RAB3C: variants seen among roughly 807,000 people sequenced by gnomAD.
The protein encoded by RAB3C is RAB3C, member RAS oncogene family.
A neutral mutation model predicts 26.4 loss-of-function variants in RAB3C; 17 were observed. The ratio of observed to expected loss-of-function variants is 0.64; its 90% CI spans 0.44 to 0.97. RAB3C has a LOEUF of 0.97. Ranked by LOEUF, RAB3C falls within the 50% of genes least tolerant of loss-of-function variation. The pLI is 0.00. For synonymous variants in RAB3C, 91 were observed against 95.9 expected, an observed-to-expected ratio of 0.95 and a Z score of 0.30; for missense variants, 242 against 281.9, an observed-to-expected ratio of 0.86 and a Z score of 1.01.
chr5:58,703,801 A>T (rs547040562), intron 2 of RAB3C, among the ~76,000 whole-genome samples: 1 of 152,276 alleles, frequency 6.6e-6, no homozygotes, highest in East Asian at 1.9e-4. Context: ...GCATCACTAC[A>T]CTAAACTTAT....
intron 3 of RAB3C, among the ~76,000 whole-genome samples, chr5:58,784,361 C>A (rs751848400): frequency 3.4e-4 from 51 of 152,202 alleles, no homozygotes; most frequent in Middle Eastern, 3.4e-3. Context: ...GAATGAGAAG[C>A]AAAGTCAGAA....
intron 3 of RAB3C, among the ~76,000 whole-genome samples, chr5:58,814,211 T>C (rs1257978731): frequency 1.3e-5 from 2 of 152,194 alleles, no homozygotes; most frequent in Non-Finnish European, 2.9e-5. Context: ...TAATACCCTC[T>C]TCCCCTTTTC....
intron 3 of RAB3C, among the ~76,000 whole-genome samples, chr5:58,735,582 A>G (rs1741114976): frequency 6.6e-6 from 1 of 152,172 alleles, no homozygotes; most frequent in African/African-American, 2.4e-5. Context: ...AAGTGTCCAC[A>G]AGATTGATTC....
At chr5:58,802,110 G>GT (rs5868136) in intron 3 of RAB3C, among the ~76,000 whole-genome samples, 5 of 152,020 alleles carry the variant, frequency 3.3e-5, no homozygotes, top group East Asian at 1.9e-4. Flanking sequence ...ACATTTAGAA[G>GT]TTTTTTTTAA....
chr5:58,839,456 C>T (rs536006418), intron 4 of RAB3C, among the ~76,000 whole-genome samples: 32 of 151,962 alleles, frequency 2.1e-4, no homozygotes, highest in South Asian at 1.9e-3. Context: ...CCACAACATC[C>T]GCCTCCCAGG....
chr5:58,704,175 A>G (rs1274638639), intron 2 of RAB3C, among the ~76,000 whole-genome samples: 2 of 152,154 alleles, frequency 1.3e-5, no homozygotes, highest in African/African-American at 4.8e-5. Flanking sequence ...TGCCACTTTA[A>G]TCTTTGCTTA....
intron 3 of RAB3C, among the ~76,000 whole-genome samples, chr5:58,772,794 T>A (rs1350642869): frequency 6.6e-6 from 1 of 152,180 alleles, no homozygotes; most frequent in Non-Finnish European, 1.5e-5. Context: ...TTAAATTGCT[T>A]AAAGATTATA....
chr5:58,818,018 G>A (rs997118919), intron 3 of RAB3C, among the ~76,000 whole-genome samples: 1 of 152,174 alleles, frequency 6.6e-6, no homozygotes, highest in African/African-American at 2.4e-5. Context: ...TTCGAGCTTC[G>A]CTGGGTGAGG....
chr5:58,671,550 T>C (rs1281248947), intron 2 of RAB3C, among the ~76,000 whole-genome samples: 1 of 152,132 alleles, frequency 6.6e-6, no homozygotes, highest in Non-Finnish European at 1.5e-5. Context: ...TAAAAAAAAA[T>C]TGTGCCCCTA....
At chr5:58,726,853 A>G (rs975758015) in intron 3 of RAB3C, among the ~76,000 whole-genome samples, 4 of 151,990 alleles carry the variant, frequency 2.6e-5, no homozygotes, top group African/African-American at 7.2e-5. Flanking sequence ...CTATCCCACC[A>G]GCACCTTGAG....
intron 1 of RAB3C, among the ~76,000 whole-genome samples, chr5:58,597,333 T>TATGTAATA (rs375954687): frequency 0.13 from 152 of 1,190 alleles, 76 homozygotes; most frequent in Non-Finnish European, 0.15. Flanking sequence ...TATTATATAA[T>TATGTAATA]CATTATATAT....
rs1741769635 is a variant in RAB3C, at chr5:58,760,216, GTGTT to G, written c.371+34104_371+34107del. Among the ~76,000 whole-genome samples the G allele has an allele frequency of 3.3e-5, 5 of 152,184 alleles. 1 individual carries two copies. In the South Asian group the frequency reaches 8.3e-4, roughly 25 times the overall value. Reference sequence around the variant, plus strand: ...TTTTTTTTTTGTCCATCAGATTTGGGTGTTTGTTTGTATGAAAAATTTAGCCTCT... The same window carrying G: ...TTTTTTTTTTGTCCATCAGATTTGGGTGTTTGTATGAAAAATTTAGCCTCT... On this transcript the variant is annotated intron_variant, in intron 3 of 4. Coordinates refer to ENST00000282878, the MANE Select transcript of RAB3C (RefSeq NM_138453.4).
intron 3 of RAB3C, among the ~76,000 whole-genome samples, chr5:58,744,742 A>G (rs910483201): frequency 3.3e-5 from 5 of 152,206 alleles, no homozygotes; most frequent in African/African-American, 9.7e-5. Context: ...AAGATAGCAT[A>G]CAAGGTTCTG....
chr5:58,708,978 T>C (rs1749005993), intron 2 of RAB3C, among the ~76,000 whole-genome samples: 1 of 152,254 alleles, frequency 6.6e-6, no homozygotes, highest in Non-Finnish European at 1.5e-5. Context: ...GTATGCTATA[T>C]AGCATATACT....
At chr5:58,733,345 G>T (rs545737961) in intron 3 of RAB3C, among the ~76,000 whole-genome samples, 81 of 152,296 alleles carry the variant, frequency 5.3e-4, no homozygotes, top group African/African-American at 1.9e-3. Flanking sequence ...AAAAATCACA[G>T]GGATGTTAGA....
chr5:58,846,581 G>A (rs1194650949), intron 4 of RAB3C, among the ~76,000 whole-genome samples: 1 of 152,032 alleles, frequency 6.6e-6, no homozygotes, highest in African/African-American at 2.4e-5. Context: ...GTCTTACTAT[G>A]TAGGCCAGGT....
At chr5:58,770,544 T>C (rs72762117) in intron 3 of RAB3C, among the ~76,000 whole-genome samples, 15,925 of 152,202 alleles carry the variant, frequency 0.1, 935 homozygotes, top group Non-Finnish European at 0.14. Flanking sequence ...TGGTCTAATT[T>C]TTCCCCTCTA....
intron 1 of RAB3C, among the ~76,000 whole-genome samples, chr5:58,593,103 T>G (rs949573900): frequency 6.6e-6 from 1 of 152,124 alleles, no homozygotes; most frequent in Non-Finnish European, 1.5e-5. Flanking sequence ...ATTAAAAAAT[T>G]TTTCCTTTAT....
rs1167464663 is a variant in RAB3C at position 58,662,378 on chromosome 5, C to A, written c.252+44508C>A. 2.7e-5 allele frequency among the ~76,000 whole-genome samples: 4 copies of A among 150,040 alleles called. No individual in the cohort carries two copies. The East Asian group carries it at 7.7e-4, about 29-fold the overall frequency. On this transcript the variant is annotated intron_variant, in intron 2 of 4. Coordinates refer to ENST00000282878, the MANE Select transcript of RAB3C (RefSeq NM_138453.4). ...GATTCCTTTCACAGAACATGCTGAACTTGAATAAGCCTTACAGCAGATTCT... is the reference window on the plus strand; with the variant it reads ...GATTCCTTTCACAGAACATGCTGAAATTGAATAAGCCTTACAGCAGATTCT...
Sources: allele counts gnomAD v4.1 joint callset (sites outside exome capture counted in the v4.1 genomes callset), GRCh38; gene constraint gnomAD v4.1.1; transcripts MANE v1.5; gene names NCBI Gene and HGNC (gene_info 2026-07-23, HGNC 2026-07-21).